The following RNF130 variants were observed in gnomAD, a reference collection of about 807,000 sequenced individuals.
RNF130 encodes ring finger protein 130, also known as E3 ubiquitin-protein ligase RNF130.
Under a neutral mutation model 44.6 loss-of-function variants are expected in RNF130, and 21 were observed. The ratio of observed to expected loss-of-function variants is 0.47; its 90% CI spans 0.33 to 0.68. The LOEUF is 0.68. Among genes scored for constraint, RNF130 ranks in the 30% least tolerant of loss-of-function variants. The pLI is 0.02. For synonymous variants in RNF130, 214 were observed against 210.4 expected, an observed-to-expected ratio of 1.02 and a Z score of -0.15; for missense variants, 479 against 560.6, an observed-to-expected ratio of 0.85 and a Z score of 1.47.
chr5:180,055,453 C>CGT (rs1307591362), intron 1 of RNF130, among the ~76,000 whole-genome samples: 183 of 91,842 alleles, frequency 2.0e-3, no homozygotes, highest in Middle Eastern at 0.013. Flanking sequence ...TGTGTGTGTG[C>CGT]GTGTGTGTGT....
intron 2 of RNF130, among the ~76,000 whole-genome samples, chr5:180,013,693 T>C (rs1163031465): frequency 1.3e-5 from 2 of 152,184 alleles, no homozygotes; most frequent in Non-Finnish European, 2.9e-5. Flanking sequence ...TGTAAAACCT[T>C]TTCTATTTTA....
chr5:180,019,710 G>A (rs1159544536), intron 2 of RNF130, among the ~76,000 whole-genome samples: 1 of 152,188 alleles, frequency 6.6e-6, no homozygotes, highest in Non-Finnish European at 1.5e-5. Context: ...GACAGATGGA[G>A]GTTATATCAA....
At chr5:180,063,708 T>C (rs1325546955) in intron 1 of RNF130, among the ~76,000 whole-genome samples, 1 of 152,184 alleles carries the variant, frequency 6.6e-6, no homozygotes, top group Middle Eastern at 3.2e-3. Context: ...AAGTGCCCAT[T>C]TGGTTTTTCT....
intron 3 of RNF130, among the ~76,000 whole-genome samples, chr5:180,007,613 G>A (rs148949811): frequency 1.3e-5 from 2 of 152,220 alleles, no homozygotes; most frequent in East Asian, 1.9e-4. Context: ...TGGGGAAAAC[G>A]GAAGGAGGAA....
At chr5:179,969,792 C>A (rs953751303) in intron 6 of RNF130, among the ~76,000 whole-genome samples, 1 of 152,060 alleles carries the variant, frequency 6.6e-6, no homozygotes, top group Non-Finnish European at 1.5e-5. Flanking sequence ...GAGTTGGAGA[C>A]CAGCCTGGAC....
chr5:180,070,769 G>A (rs1003185250), intron 1 of RNF130, among the ~76,000 whole-genome samples: 1 of 152,174 alleles, frequency 6.6e-6, no homozygotes, highest in Non-Finnish European at 1.5e-5. Flanking sequence ...AGGAAAACAT[G>A]ACATTAAGCC....
intron 1 of RNF130, among the ~76,000 whole-genome samples, chr5:180,051,258 T>TTATC (rs1472259196): frequency 1.3e-3 from 193 of 151,392 alleles, no homozygotes; most frequent in African/African-American, 4.5e-3. Flanking sequence ...ATTTATTTAT[T>TTATC]TATTTATTTG....
chr5:180,002,617 G>A (rs936281219), intron 3 of RNF130, among the ~76,000 whole-genome samples: 1 of 152,134 alleles, frequency 6.6e-6, no homozygotes, highest in African/African-American at 2.4e-5. Context: ...GGTATCCACA[G>A]TGTTGAAGGG....
intron 2 of RNF130, among the ~76,000 whole-genome samples, chr5:180,037,534 G>A (rs774598296): frequency 2.9e-4 from 44 of 152,168 alleles, no homozygotes; most frequent in Non-Finnish European, 4.6e-4. Flanking sequence ...CTTCTTCACT[G>A]CCTTCTTTCT....
At chr5:179,954,567 A>C (rs1388386179), downstream of RNF130, among the ~76,000 whole-genome samples, 2 of 152,242 alleles carry the variant, frequency 1.3e-5, no homozygotes, top group Non-Finnish European at 2.9e-5. Context: ...CAGGGCTGGC[A>C]AGGGTGAGAA....
At chr5:179,939,877 G>A in intron 7 of RNF130, 2 of 333,332 alleles carry the variant, frequency 6.0e-6, no homozygotes, top group South Asian at 2.9e-5. Flanking sequence ...TATGGAGGGT[G>A]AATCAACCTC....
At chr5:180,065,391 T>C (rs1464728623) in intron 1 of RNF130, among the ~76,000 whole-genome samples, 1 of 152,204 alleles carries the variant, frequency 6.6e-6, no homozygotes, top group African/African-American at 2.4e-5. Flanking sequence ...GTTTTATGGC[T>C]GTGTAACACT....
intron 6 of RNF130, among the ~76,000 whole-genome samples, chr5:179,968,467 A>C (rs1762502339): frequency 6.6e-6 from 1 of 151,810 alleles, no homozygotes; most frequent in Non-Finnish European, 1.5e-5. Flanking sequence ...GGAGTTTGAG[A>C]CCAGCCTGGC....
intron 2 of RNF130, among the ~76,000 whole-genome samples, chr5:180,025,906 G>A (rs187416998): frequency 2.4e-4 from 37 of 152,216 alleles, no homozygotes; most frequent in African/African-American, 8.9e-4. Flanking sequence ...CCAAATTACT[G>A]ATACGTAAAG....
chr5:179,989,393 G>A (rs1323458081), intron 3 of RNF130, among the ~76,000 whole-genome samples: 1 of 152,192 alleles, frequency 6.6e-6, no homozygotes, highest in African/African-American at 2.4e-5. Context: ...TCTATCCCTT[G>A]AGGCCTAGTA....
At chr5:180,029,546 CCAAA>C (rs1046624256) in intron 2 of RNF130, among the ~76,000 whole-genome samples, 2 of 152,234 alleles carry the variant, frequency 1.3e-5, no homozygotes, top group African/African-American at 4.8e-5. Flanking sequence ...TCACAAATTC[CCAAA>C]CAAAATGGCA....
intron 8 of RNF130, among the ~76,000 whole-genome samples, chr5:179,962,235 G>C (rs1762348673): frequency 6.6e-6 from 1 of 152,216 alleles, no homozygotes; most frequent in Non-Finnish European, 1.5e-5. Flanking sequence ...CCTGACATCT[G>C]TGAGCCTCAA....
At chr5:179,954,933 A>G (rs1479742122), downstream of RNF130, 4 of 152,372 alleles carry the variant, frequency 2.6e-5, no homozygotes, top group African/African-American at 7.2e-5. Context: ...CAGTAAAGCA[A>G]AAGTATTTCA....
intron 5 of RNF130, among the ~76,000 whole-genome samples, chr5:179,975,605 A>G (rs1196303989): frequency 6.6e-6 from 1 of 152,188 alleles, no homozygotes; most frequent in Non-Finnish European, 1.5e-5. Context: ...AGTCTCAGGG[A>G]AAGTTACAGC....
Sources: allele counts gnomAD v4.1 joint callset (sites outside exome capture counted in the v4.1 genomes callset), GRCh38; gene constraint gnomAD v4.1.1; transcripts MANE v1.5; gene names NCBI Gene and HGNC (gene_info 2026-07-23, HGNC 2026-07-21).